The following ZNF331 variants were observed in gnomAD, a reference collection of about 807,000 sequenced individuals.
The protein encoded by ZNF331 is zinc finger protein 331, also known as C2H2-like zinc finger protein rearranged in thyroid adenomas.
ZNF331 carries 2 observed loss-of-function variants against 7.0 expected under a neutral mutation model. That is an observed-to-expected ratio of 0.29 (90% confidence interval 0.12 to 0.90). The LOEUF (loss-of-function observed/expected upper bound fraction) is 0.90. ZNF331 is among the 40% of genes least tolerant of loss of function. The pLI is 0.58. For missense variants in ZNF331, 432 were observed against 587.7 expected, an observed-to-expected ratio of 0.74 and a Z score of 2.74; for synonymous variants, 196 against 205.4, an observed-to-expected ratio of 0.95 and a Z score of 0.39.
upstream of ZNF331, among the ~76,000 whole-genome samples, chr19:53,534,437 A>C (rs1006617314): frequency 6.6e-6 from 1 of 152,022 alleles, no homozygotes; most frequent in Non-Finnish European, 1.5e-5. Context: ...ACAGGCATGC[A>C]CCACCACACT....
intron 2 of ZNF331, among the ~76,000 whole-genome samples, chr19:53,546,911 G>A (rs983601307): frequency 1.9e-4 from 29 of 152,116 alleles, no homozygotes; most frequent in African/African-American, 7.0e-4. Context: ...AAACCATATG[G>A]TTTAATGTTG....
the ZNF331 span, among the ~76,000 whole-genome samples, chr19:53,505,924 G>A: frequency 3.3e-5 from 5 of 151,922 alleles, no homozygotes; most frequent in Non-Finnish European, 5.9e-5. Context: ...GGCGGAGGTC[G>A]CACTAGCCGA....
At chr19:53,543,527 A>G (rs1029691712) in intron 2 of ZNF331, among the ~76,000 whole-genome samples, 5 of 152,070 alleles carry the variant, frequency 3.3e-5, no homozygotes, top group African/African-American at 1.2e-4. Context: ...TTGGCCTCCC[A>G]AAGTGCTGGG....
Position 53,568,049 on chromosome 19 carries a change from G to C in ZNF331, c.-73-1255G>C, listed in dbSNP as rs1004722541. ...GCAGATCACGAGGTCGGGAGTTTGA[G>C]ACCAGCCTGGCCAACATGGTGAAAC... is the stretch of plus-strand genomic sequence containing the variant. On this transcript the variant is annotated intron_variant, in intron 3 of 5. Coordinates refer to ENST00000449416, the MANE Select transcript of ZNF331 (RefSeq NM_001079906.2). 2.0e-5 allele frequency among the ~76,000 whole-genome samples: 3 copies of C among 152,030 alleles called. No individual in the cohort carries two copies. The East Asian group carries it at 5.8e-4, about 29-fold the overall frequency.
intron 3 of ZNF331, among the ~76,000 whole-genome samples, chr19:53,567,279 TGTGA>T (rs1227509786): frequency 6.6e-6 from 1 of 152,194 alleles, no homozygotes; most frequent in Non-Finnish European, 1.5e-5. Flanking sequence ...CCTGCCATGT[TGTGA>T]GTAACATCAC....
intron 3 of ZNF331, among the ~76,000 whole-genome samples, chr19:53,566,444 C>T (rs1198173848): frequency 6.6e-6 from 1 of 152,172 alleles, no homozygotes; most frequent in Non-Finnish European, 1.5e-5. Context: ...AGGCACCCGC[C>T]ACCAGGCCCA....
rs943202610 is a variant in ZNF331, at chr19:53,577,792, A to G, written c.1232A>G (p.Tyr411Cys). Residue 411 changes from tyrosine to cysteine, a missense_variant, in exon 6 of 6, where the codon TAT becomes TGT. Physicochemically the swap from Tyr to Cys is radical, Grantham distance 194. Transcript: ENST00000449416. Reference protein sequence around the residue: ...HERIHTGVKPYGCTECGKSFS... With the variant: ...HERIHTGVKPCGCTECGKSFS... ...AGAATTCATACCGGGGTGAAACCCT[A>G]TGGGTGTACAGAATGTGGGAAGAGC... 4 of 1,614,128 alleles carry G rather than the reference A, an allele frequency of 2.5e-6. No homozygotes were observed. The highest frequency in any genetic ancestry group is 2.5e-6 in the Non-Finnish European group (3 of 1,180,016).
At position 53,576,992 on chromosome 19, in the gene ZNF331, T is replaced by C; in HGVS notation, c.432T>C (p.Tyr144=). The C allele has an allele frequency of 6.2e-7, 1 of 1,611,494 alleles. No homozygotes were observed. Among genetic ancestry groups the C allele is most frequent in the African/African-American group, 1.3e-5 (1 of 74,290 alleles). ...KDCGKAFSRG[Y]QLSQHQKIHT... is the part of the protein sequence containing the mutation. ...GTGGGAAGGCCTTTAGTCGTGGCTA[T>C]CAACTTAGTCAACATCAGAAAATCC... The change falls in exon 6 of 6, where the codon TAT becomes TAC. Residue 144 remains tyrosine, a synonymous_variant. Coordinates refer to ENST00000449416, the MANE Select transcript of ZNF331 (RefSeq NM_001079906.2).
chr19:53,542,420 C>T (rs4803143), intron 2 of ZNF331, among the ~76,000 whole-genome samples: 99,616 of 152,060 alleles, frequency 0.66, 33,354 homozygotes, highest in African/African-American at 0.78. Context: ...CTTGCAGATA[C>T]GGACTTTCCA....
At chr19:53,546,044 G>T (rs1265364466) in intron 2 of ZNF331, among the ~76,000 whole-genome samples, 1 of 150,810 alleles carries the variant, frequency 6.6e-6, no homozygotes, top group African/African-American at 2.4e-5. Context: ...GCCCTGGAGG[G>T]TATTTGCTAA....
At chr19:53,542,023 A>G (rs73051545) in intron 2 of ZNF331, among the ~76,000 whole-genome samples, 13,075 of 152,082 alleles carry the variant, frequency 0.086, 745 homozygotes, top group Middle Eastern at 0.12. Flanking sequence ...CAAGAAAAAA[A>G]CATCTGAAAT....
upstream of ZNF331, among the ~76,000 whole-genome samples, chr19:53,535,724 T>C (rs1447309157): frequency 6.6e-6 from 1 of 152,106 alleles, no homozygotes; most frequent in Non-Finnish European, 1.5e-5. Context: ...AGGTTATATG[T>C]GCAAGTAACG....
chr19:53,577,697 C>G lies in ZNF331; in HGVS notation c.1137C>G (p.Gly379=), dbSNP rs753397804. The part of the protein sequence containing the change: ...HLTQHERIHT[G]ETPYKCKECG... ...CTCAGCACGAGAGAATCCACACAGG[C>G]GAAACCCCGTATAAATGTAAGGAGT... The change falls in exon 6 of 6, where the codon GGC becomes GGG. Residue 379 remains glycine, a synonymous_variant. Transcript: ENST00000449416. 1 of 1,613,056 alleles carries G rather than the reference C, an allele frequency of 6.2e-7. No individual in the cohort carries two copies. The highest frequency in any genetic ancestry group is 2.2e-5 in the East Asian group (1 of 44,810).
intron 2 of ZNF331, among the ~76,000 whole-genome samples, chr19:53,554,338 C>T (rs1373539029): frequency 1.3e-5 from 2 of 152,206 alleles, no homozygotes; most frequent in East Asian, 1.9e-4. Flanking sequence ...TCTGGCCACA[C>T]GCATGCGTTG....
rs528224416 is a variant in ZNF331 at position 53,571,403 on chromosome 19, T to C, written c.10-201T>C. Among the ~76,000 whole-genome samples the C allele has an allele frequency of 3.3e-4, 50 of 152,160 alleles. No individual in the cohort carries two copies. Among genetic ancestry groups the C allele is most frequent in the Admixed American group, 7.9e-4 (12 of 15,274 alleles). The stretch of plus-strand genomic sequence containing the variant: ...TTCTGCACAGTAAAGTCATTTTCTC[T>C]GCAGCGGTAGAGCTCTTCAGTGACA... On this transcript the variant is annotated intron_variant, in intron 4 of 5. Transcript: ENST00000449416. The surrounding 1 kb of genome is among the most constrained non-coding windows in gnomAD (Gnocchi z 4.7).
the ZNF331 span, among the ~76,000 whole-genome samples, chr19:53,510,431 C>CT: frequency 1.9e-3 from 266 of 137,968 alleles, no homozygotes; most frequent in Admixed American, 3.3e-3. Flanking sequence ...GAAACTTGAA[C>CT]TTTTTTTTTT....
chr19:53,524,557 G>A (rs528967193), intron 2 of ZNF331, among the ~76,000 whole-genome samples: 1 of 152,294 alleles, frequency 6.6e-6, no homozygotes, highest in Admixed American at 6.5e-5. Flanking sequence ...CTGCATAGAT[G>A]TCTTCTTTTG....
chr19:53,576,784 G>C lies in ZNF331; in HGVS notation c.224G>C (p.Arg75Thr). Residue 75 changes from arginine to threonine, a missense_variant, in exon 6 of 6, where the codon AGA becomes ACA. This residue lies in a region of ZNF331 where 81 missense variants were observed against 70.3 expected (regional missense o/e 1.15). Coordinates refer to ENST00000449416, the MANE Select transcript of ZNF331 (RefSeq NM_001079906.2). Reference sequence around the variant, plus strand: ...GCTTCCAAAAGGAATTCAGATAGAAGAAGTAAATCCCTTGGCCGTAACTGG... The same window carrying C: ...GCTTCCAAAAGGAATTCAGATAGAACAAGTAAATCCCTTGGCCGTAACTGG... Reference protein sequence around the residue: ...IRASKRNSDRRSKSLGRNWIC... With the variant: ...IRASKRNSDRTSKSLGRNWIC... 6.2e-7 allele frequency: 1 copy of C among 1,614,104 alleles called. No homozygotes were observed. Among genetic ancestry groups the C allele is most frequent in the Admixed American group, 1.7e-5 (1 of 59,970 alleles).
Position 53,571,636 on chromosome 19 carries a change from C to T in ZNF331, c.42C>T (p.Asp14=), listed in dbSNP as rs767947268. 5.6e-6 allele frequency: 9 copies of T among 1,613,992 alleles called. No homozygotes were observed. Among genetic ancestry groups the T allele is most frequent in the Non-Finnish European group, 7.6e-6 (9 of 1,180,028 alleles). ...GLVTFADVAI[D]FSQEEWACLN... is the part of the protein sequence containing the mutation. ...TGACGTTCGCCGACGTAGCCATAGA[C>T]TTTTCTCAGGAGGAGTGGGCCTGTC... Residue 14 remains aspartate, a synonymous_variant, in exon 5 of 6, where the codon GAC becomes GAT. Coordinates refer to ENST00000449416, the MANE Select transcript of ZNF331 (RefSeq NM_001079906.2). This position sits in a 1 kb window ranked among gnomAD's most constrained non-coding sequence, Gnocchi z 4.7.
Sources: allele counts gnomAD v4.1 joint callset (sites outside exome capture counted in the v4.1 genomes callset), GRCh38; gene constraint gnomAD v4.1.1; regional missense constraint gnomAD v4.1.1; non-coding constraint Gnocchi (gnomAD v3.1); transcripts MANE v1.5; gene names NCBI Gene and HGNC (gene_info 2026-07-23, HGNC 2026-07-21).